Variants in ACSS3 observed in about 807,000 individuals in gnomAD.
ACSS3 encodes acyl-CoA synthetase short-chain family member 3, mitochondrial.
Under a neutral mutation model 84.2 loss-of-function variants are expected in ACSS3, and 64 were observed. The observed-to-expected ratio is 0.76, with a 90% CI of 0.62 to 0.94. The LOEUF (loss-of-function observed/expected upper bound fraction) is 0.94, where lower values mean the gene tolerates loss of function less well. Among genes scored for constraint, ACSS3 ranks in the 40% least tolerant of loss-of-function variants. ACSS3 has a pLI of 0.00. For missense variants in ACSS3, 815 were observed against 867.6 expected, an observed-to-expected ratio of 0.94 and a Z score of 0.76; for synonymous variants, 317 against 310.1, an observed-to-expected ratio of 1.02 and a Z score of -0.23.
At chr12:81,216,848 CATT>C in intron 9 of ACSS3, 50 bp from the exon 10 acceptor site, 8 of 1,490,482 alleles carry the variant, frequency 5.4e-6, no homozygotes, top group Non-Finnish European at 7.4e-6. Flanking sequence ...ACTCAAGAAA[CATT>C]ATGATTCCAA....
intron 10 of ACSS3, among the ~76,000 whole-genome samples, 153 bp from the exon 11 acceptor site, chr12:81,219,860 G>A (rs1055937515): frequency 6.6e-6 from 1 of 151,874 alleles, no homozygotes; most frequent in Admixed American, 6.6e-5. Flanking sequence ...TTTTTTGTAA[G>A]ATATTTTAGT....
At chr12:81,108,901 T>A (rs919103580) in intron 1 of ACSS3, among the ~76,000 whole-genome samples, 24 of 152,156 alleles carry the variant, frequency 1.6e-4, no homozygotes, top group African/African-American at 5.8e-4. Context: ...TGTATCTACA[T>A]GGTTTCTGTG....
At chr12:81,136,182 A>C (rs554909712) in intron 3 of ACSS3, among the ~76,000 whole-genome samples, 1 of 152,300 alleles carries the variant, frequency 6.6e-6, no homozygotes, top group East Asian at 1.9e-4. Context: ...ATTTAATCTA[A>C]AACAGCACAC....
chr12:81,123,663 C>T (rs1296966339), intron 2 of ACSS3, among the ~76,000 whole-genome samples: 2 of 152,086 alleles, frequency 1.3e-5, no homozygotes, highest in Non-Finnish European at 2.9e-5. Context: ...TCGTTCTCAT[C>T]TCTATTTCCA....
intron 5 of ACSS3, among the ~76,000 whole-genome samples, chr12:81,150,595 A>G (rs1056847998): frequency 1.3e-5 from 2 of 152,220 alleles, no homozygotes; most frequent in South Asian, 4.1e-4. Context: ...CATGCTAACC[A>G]TGTCATACAA....
intron 5 of ACSS3, among the ~76,000 whole-genome samples, chr12:81,151,089 T>C (rs1213230681): frequency 6.6e-6 from 1 of 152,210 alleles, no homozygotes; most frequent in Non-Finnish European, 1.5e-5. Context: ...TTAGTTCTTA[T>C]TTATGGTGAC....
At chr12:81,115,308 C>A (rs536470522) in intron 2 of ACSS3, among the ~76,000 whole-genome samples, 1 of 152,198 alleles carries the variant, frequency 6.6e-6, no homozygotes, top group African/African-American at 2.4e-5. Context: ...TATGAGAATG[C>A]CAGCTGTGAA....
chr12:81,095,033 CA>C (rs1881940963), intron 1 of ACSS3, among the ~76,000 whole-genome samples: 2 of 151,964 alleles, frequency 1.3e-5, no homozygotes, highest in African/African-American at 4.8e-5. Flanking sequence ...CTGTTTTTTC[CA>C]ACAAATACTA....
At chr12:81,218,151 C>T (rs986958726) in intron 10 of ACSS3, among the ~76,000 whole-genome samples, 2 of 152,096 alleles carry the variant, frequency 1.3e-5, no homozygotes, top group Non-Finnish European at 1.5e-5. Context: ...AACACAGTGC[C>T]TACCAGTAGA....
Position 81,194,414 on chromosome 12 carries a change from A to C in ACSS3, c.1251-4927A>C, listed in dbSNP as rs1171826010. Among the ~76,000 whole-genome samples, 5 of 152,046 alleles carry C rather than the reference A, an allele frequency of 3.3e-5. No homozygotes were observed. In the East Asian group the frequency reaches 7.7e-4, roughly 23 times the overall value. On this transcript the variant is annotated intron_variant, in intron 8 of 15. Transcript: ENST00000548058. ...TTTTGATAGTTTGAGGAATTTTAAT[A>C]CAAAAATAAATGGATAGTTTCTAGC...
intron 2 of ACSS3, chr12:81,125,809 A>G (rs1885051152): frequency 6.6e-6 from 1 of 152,198 alleles, no homozygotes; most frequent in South Asian, 2.1e-4. Context: ...TCTCAAATTT[A>G]AACGTGTCCA....
At chr12:81,231,961 C>A (rs2033480775) in intron 12 of ACSS3, among the ~76,000 whole-genome samples, 1 of 151,068 alleles carries the variant, frequency 6.6e-6, no homozygotes, top group African/African-American at 2.4e-5. Flanking sequence ...AAAAAGTTTG[C>A]TGAAGTACTT....
rs1395035069 is a variant in ACSS3 at position 81,078,226 on chromosome 12, G to A, written c.106G>A (p.Ala36Thr). Residue 36 changes from alanine (A) to threonine (T), a missense_variant, in exon 1 of 16, where the codon GCT (alanine) becomes ACT (threonine). Transcript: ENST00000548058. ...PARGAGAALR[A>T]LVVPGPRGGL... ...CCGGGGAGCCGGTGCGGCCCTCAGGGCTTTAGTGGTCCCGGGCCCGCGGGG... is the reference window on the plus strand; with the variant it reads ...CCGGGGAGCCGGTGCGGCCCTCAGGACTTTAGTGGTCCCGGGCCCGCGGGG... 1.3e-6 allele frequency: 2 copies of A among 1,597,900 alleles called. No individual in the cohort carries two copies. The highest frequency in any genetic ancestry group is 1.3e-5 in the African/African-American group (1 of 74,542).
intron 4 of ACSS3, among the ~76,000 whole-genome samples, chr12:81,139,626 A>C (rs1489887327): frequency 7.1e-6 from 1 of 141,734 alleles, no homozygotes; most frequent in African/African-American, 2.6e-5. Flanking sequence ...ATAAAATAAT[A>C]ATAATAATAA....
At chr12:81,155,898 A>G (rs867360759) in intron 7 of ACSS3, among the ~76,000 whole-genome samples, 2 of 152,210 alleles carry the variant, frequency 1.3e-5, no homozygotes, top group Non-Finnish European at 2.9e-5. Flanking sequence ...ATCATCAACC[A>G]ACAAGATTTA....
chr12:81,176,203 A>G (rs570244548), intron 8 of ACSS3, among the ~76,000 whole-genome samples: 1 of 152,218 alleles, frequency 6.6e-6, no homozygotes, highest in Admixed American at 6.5e-5. Context: ...AAATCCTGAG[A>G]CAATTACAAA....
chr12:81,079,583 AC>A (rs1423592779), intron 1 of ACSS3, among the ~76,000 whole-genome samples: 2 of 152,126 alleles, frequency 1.3e-5, no homozygotes, highest in Non-Finnish European at 2.9e-5. Context: ...GAATCTGAGC[AC>A]CTTGCCCCTT....
chr12:81,259,345 T>C lies in ACSS3; in HGVS notation c.*4423T>C. 1.9e-6 allele frequency: 1 copy of C among 520,514 alleles called. No homozygotes were observed. Among genetic ancestry groups the C allele is most frequent in the South Asian group, 1.8e-5 (1 of 56,846 alleles). 32.2% of individuals were successfully genotyped at this position (520,514 alleles called of 1,614,324 possible). The stretch of plus-strand genomic sequence containing the variant: ...TAAGACTTACACATTTAAAAAGAAA[T>C]GCACGGTAATACATAAATGCCTAGT... On this transcript the variant is annotated 3_prime_UTR_variant, in exon 16 of 16. Coordinates refer to ENST00000548058, the MANE Select transcript of ACSS3 (RefSeq NM_024560.4).
intron 13 of ACSS3, among the ~76,000 whole-genome samples, chr12:81,240,782 C>G (rs2033773311): frequency 6.6e-6 from 1 of 151,952 alleles, no homozygotes; most frequent in South Asian, 2.1e-4. Flanking sequence ...AATCCAGACT[C>G]AAATAATACA....
Sources: allele counts gnomAD v4.1 joint callset (sites outside exome capture counted in the v4.1 genomes callset), GRCh38; gene constraint gnomAD v4.1.1; transcripts MANE v1.5; gene names NCBI Gene and HGNC (gene_info 2026-07-23, HGNC 2026-07-21).